MAPK6: variants seen among roughly 807,000 people sequenced by gnomAD.
MAPK6 encodes ERK-3.
Under a neutral mutation model 59.3 loss-of-function variants are expected in MAPK6, and 19 were observed. That is an observed-to-expected ratio of 0.32 (90% CI 0.22 to 0.47). MAPK6 has a LOEUF of 0.47. MAPK6 is among the 20% of genes least tolerant of loss of function. The probability of loss-of-function intolerance (pLI) is 1.00; values close to 1 mark genes in which losing one functional copy is unlikely to be tolerated. For missense variants in MAPK6, 724 were observed against 847.9 expected (o/e 0.85, Z 1.81); for synonymous variants, 316 against 290.3 (o/e 1.09, Z -0.90).
intron 2 of MAPK6, among the ~76,000 whole-genome samples, chr15:51,999,504 GTT>G (rs1005336770): frequency 3.3e-5 from 5 of 151,954 alleles, no homozygotes; most frequent in African/African-American, 1.2e-4. Context: ...TGAGTGAAGA[GTT>G]TTTTATATAT....
intron 2 of MAPK6, among the ~76,000 whole-genome samples, chr15:52,048,689 G>A (rs1210034474): frequency 6.6e-6 from 1 of 152,018 alleles, no homozygotes; most frequent in African/African-American, 2.4e-5. Flanking sequence ...AGCACTTTAG[G>A]AGGCCGGGGC....
intron 1 of MAPK6, among the ~76,000 whole-genome samples, chr15:51,973,814 G>A (rs957309399): frequency 4.6e-5 from 7 of 151,746 alleles, no homozygotes; most frequent in Non-Finnish European, 7.4e-5. Flanking sequence ...CACCATATCC[G>A]GTTAATTTTG....
chr15:51,981,339 G>A (rs972854688), intron 1 of MAPK6, among the ~76,000 whole-genome samples: 2 of 152,020 alleles, frequency 1.3e-5, no homozygotes, highest in African/African-American at 2.4e-5. Flanking sequence ...CGCGTGTGGT[G>A]GCGGGCGCCT....
At chr15:51,985,148 G>A (rs953498214) in intron 2 of MAPK6, among the ~76,000 whole-genome samples, 4 of 152,004 alleles carry the variant, frequency 2.6e-5, no homozygotes, top group African/African-American at 7.3e-5. Flanking sequence ...TGTAGACCAC[G>A]CTGGGGAACA....
At chr15:52,007,187 G>A (rs1473630537) in intron 3 of MAPK6, among the ~76,000 whole-genome samples, 2 of 152,110 alleles carry the variant, frequency 1.3e-5, no homozygotes, top group African/African-American at 2.4e-5. Context: ...AAGTGTGGGC[G>A]GCTGGGCTTT....
chr15:52,024,261 T>G (rs2030661954), intron 1 of MAPK6, among the ~76,000 whole-genome samples: 1 of 152,208 alleles, frequency 6.6e-6, no homozygotes, highest in Non-Finnish European at 1.5e-5. Flanking sequence ...TGAAGAGATC[T>G]AAGATCTTGG....
At position 52,046,236 on chromosome 15, in the gene MAPK6, A is replaced by G. The variant is rs1460393406; in HGVS notation, c.-225A>G. On this transcript the variant is annotated 5_prime_UTR_variant, in exon 2 of 6. Transcript: ENST00000261845. ...CCTTTCTTGAACTATGAGTACTGCA[A>G]TCTTTTTAATTCTCAATATGAATAG... The G allele has an allele frequency of 4.4e-6, 2 of 451,612 alleles. No individual in the cohort carries two copies. Among genetic ancestry groups the G allele is most frequent in the African/African-American group, 2.0e-5 (1 of 50,174 alleles). 28.0% of individuals were successfully genotyped at this position (451,612 alleles called of 1,614,324 possible). A position where few individuals can be genotyped will look rare whatever the true frequency, so the allele number is the denominator to read the frequency against.
At chr15:51,976,512 C>T (rs2057157918) in intron 1 of MAPK6, among the ~76,000 whole-genome samples, 1 of 151,234 alleles carries the variant, frequency 6.6e-6, no homozygotes, top group South Asian at 2.1e-4. Context: ...TATAAAATTT[C>T]AGAACACTGG....
At chr15:52,030,555 A>G (rs957565384) in intron 1 of MAPK6, among the ~76,000 whole-genome samples, 4 of 147,046 alleles carry the variant, frequency 2.7e-5, no homozygotes, top group Non-Finnish European at 5.9e-5. Flanking sequence ...TGGTAGTACT[A>G]TACCAGCGTT....
chr15:51,993,654 G>A (rs937003965), intron 2 of MAPK6, among the ~76,000 whole-genome samples: 2 of 151,974 alleles, frequency 1.3e-5, no homozygotes. Context: ...ATATATAAAT[G>A]CTCACATATA....
At chr15:52,015,863 G>C (rs2030222551), upstream of MAPK6, among the ~76,000 whole-genome samples, 1 of 143,734 alleles carries the variant, frequency 7.0e-6, no homozygotes, top group African/African-American at 2.6e-5. Flanking sequence ...TTCAAGACCA[G>C]CCTGGCCAAC....
chr15:51,986,537 C>A (rs2057191749), intron 2 of MAPK6, among the ~76,000 whole-genome samples: 2 of 152,094 alleles, frequency 1.3e-5, no homozygotes, highest in Non-Finnish European at 2.9e-5. Flanking sequence ...TCTACAAATG[C>A]TTTTATAATT....
At chr15:51,985,889 C>T (rs1310426499) in intron 2 of MAPK6, among the ~76,000 whole-genome samples, 1 of 151,028 alleles carries the variant, frequency 6.6e-6, no homozygotes, top group Non-Finnish European at 1.5e-5. Flanking sequence ...ACCCAGGAGG[C>T]GGAGCTTGCA....
chr15:52,062,476 A>C (rs2032241086), intron 5 of MAPK6, among the ~76,000 whole-genome samples: 1 of 152,154 alleles, frequency 6.6e-6, no homozygotes, highest in South Asian at 2.1e-4. Context: ...GATTTCTAGG[A>C]AAGTTTGGCT....
chr15:51,982,728 A>C (rs915877323), intron 1 of MAPK6, among the ~76,000 whole-genome samples: 2 of 152,236 alleles, frequency 1.3e-5, no homozygotes, highest in African/African-American at 4.8e-5. Flanking sequence ...CACTAAGAAA[A>C]TATTTTTCAA....
At chr15:52,042,723 A>G (rs571012551) in intron 1 of MAPK6, 1 of 152,244 alleles carries the variant, frequency 6.6e-6, no homozygotes, top group East Asian at 1.9e-4. Context: ...GAACTTGGAG[A>G]TCTTACTGTT....
At position 52,045,851 on chromosome 15, in the gene MAPK6, C is replaced by T. The variant is rs192872090; in HGVS notation, c.-610C>T. 3.3e-5 allele frequency: 5 copies of T among 152,748 alleles called. No homozygotes were observed. Among genetic ancestry groups the T allele is most frequent in the East Asian group, 1.9e-4 (1 of 5,188 alleles). 9.5% of individuals were successfully genotyped at this position (152,748 alleles called of 1,614,324 possible). ...CCAGGTTGTATCAGAGTAAGATGGA[C>T]GGTAGCTTTGATTGTGATTGTGGTG... On this transcript the variant is annotated 5_prime_UTR_variant, in exon 2 of 6. The change creates a new upstream start codon in the 5' untranslated region. Transcript: ENST00000261845.
At chr15:51,996,640 C>T (rs975214567) in intron 2 of MAPK6, among the ~76,000 whole-genome samples, 15 of 152,156 alleles carry the variant, frequency 9.9e-5, no homozygotes, top group Middle Eastern at 3.4e-3. Context: ...AAGCGATCCA[C>T]CTGTCTGGGC....
At chr15:52,023,528 C>T (rs2030627529) in intron 1 of MAPK6, among the ~76,000 whole-genome samples, 2 of 152,170 alleles carry the variant, frequency 1.3e-5, no homozygotes, top group Non-Finnish European at 1.5e-5. Context: ...GTGATTTGGG[C>T]CTAGTCCAGC....
Sources: gnomAD v4.1 joint callset for allele counts (sites outside exome capture counted in the v4.1 genomes callset) on GRCh38, gnomAD v4.1.1 for gene constraint, MANE v1.5 for transcripts, NCBI Gene and HGNC (gene_info 2026-07-23, HGNC 2026-07-21) for gene names.